The following ANKS1B variants were observed in gnomAD, a reference collection of about 807,000 sequenced individuals.
ANKS1B encodes ankyrin repeat and sterile alpha motif domain containing 1B.
A neutral mutation model predicts 148.3 loss-of-function variants in ANKS1B; 36 were observed. That is an observed-to-expected ratio of 0.24 (90% CI 0.19 to 0.32). ANKS1B has a LOEUF of 0.32. ANKS1B is among the 10% of genes least tolerant of loss of function. The pLI is 1.00. For missense variants in ANKS1B, 1,157 were observed against 1,542.6 expected (o/e 0.75, Z 4.19); for synonymous variants, 542 against 560.8 (o/e 0.97, Z 0.47).
At chr12:98,827,846 T>C (rs902815372) in intron 19 of ANKS1B, among the ~76,000 whole-genome samples, 1 of 152,126 alleles carries the variant, frequency 6.6e-6, no homozygotes, top group African/African-American at 2.4e-5. Flanking sequence ...AAAGACAACA[T>C]GGCTCAAAGT....
intron 9 of ANKS1B, among the ~76,000 whole-genome samples, chr12:99,558,791 A>C (rs369796331): frequency 6.6e-6 from 1 of 152,186 alleles, no homozygotes; most frequent in East Asian, 1.9e-4. Flanking sequence ...GTTGCCCAAA[A>C]GCTAAAGCCT....
At chr12:99,453,026 C>T (rs545211694) in intron 10 of ANKS1B, among the ~76,000 whole-genome samples, 5 of 152,294 alleles carry the variant, frequency 3.3e-5, no homozygotes, top group Admixed American at 6.5e-5. Flanking sequence ...CACAGTGGCT[C>T]ACGCCTGTAA....
intron 22 of ANKS1B, among the ~76,000 whole-genome samples, chr12:98,784,176 C>A (rs1012610858): frequency 6.6e-6 from 1 of 152,098 alleles, no homozygotes; most frequent in Non-Finnish European, 1.5e-5. Context: ...GTGGAGATAT[C>A]CAGTAGGAAA....
intron 17 of ANKS1B, among the ~76,000 whole-genome samples, chr12:98,920,586 G>A (rs1044281958): frequency 6.6e-6 from 1 of 152,132 alleles, no homozygotes; most frequent in Non-Finnish European, 1.5e-5. Flanking sequence ...TCACTATCAC[G>A]AGAACAGCAC....
chr12:99,685,094 G>T (rs1386561994), intron 8 of ANKS1B, among the ~76,000 whole-genome samples: 1 of 152,086 alleles, frequency 6.6e-6, no homozygotes, highest in African/African-American at 2.4e-5. Context: ...AAACTAAAAA[G>T]TTTCTGCACA....
intron 14 of ANKS1B, among the ~76,000 whole-genome samples, chr12:99,225,015 A>C: frequency 6.6e-6 from 1 of 152,172 alleles, no homozygotes; most frequent in East Asian, 1.9e-4. Context: ...AGGAAAAACA[A>C]CATTGATGTT....
intron 1 of ANKS1B, among the ~76,000 whole-genome samples, chr12:99,862,480 C>T (rs1215524926): frequency 6.6e-6 from 1 of 152,166 alleles, no homozygotes; most frequent in Non-Finnish European, 1.5e-5. Context: ...TAAAATACTT[C>T]TTATGTTTGT....
At chr12:99,329,254 ATTC>A (rs1157584035) in intron 12 of ANKS1B, among the ~76,000 whole-genome samples, 2 of 151,924 alleles carry the variant, frequency 1.3e-5, no homozygotes, top group Non-Finnish European at 1.5e-5. Context: ...TGTTGTCAGA[ATTC>A]TTCTTTCTTT....
At chr12:99,678,912 G>A (rs2098597727) in intron 8 of ANKS1B, among the ~76,000 whole-genome samples, 6 of 152,048 alleles carry the variant, frequency 3.9e-5, no homozygotes, top group Admixed American at 3.9e-4. Context: ...AAAAATAACA[G>A]AGGACACACA....
intron 10 of ANKS1B, among the ~76,000 whole-genome samples, chr12:99,444,947 C>A (rs2095612875): frequency 1.3e-5 from 2 of 151,886 alleles, no homozygotes; most frequent in South Asian, 4.1e-4. Context: ...AAAACTCTAC[C>A]TACCATATAA....
At chr12:99,072,472 C>A (rs1217740328) in intron 16 of ANKS1B, among the ~76,000 whole-genome samples, 1 of 151,970 alleles carries the variant, frequency 6.6e-6, no homozygotes, top group Non-Finnish European at 1.5e-5. Context: ...GTGACACAAG[C>A]AGTAGGTGGC....
At chr12:99,307,454 A>T (rs1422415853) in intron 12 of ANKS1B, among the ~76,000 whole-genome samples, 1 of 152,076 alleles carries the variant, frequency 6.6e-6, no homozygotes, top group Non-Finnish European at 1.5e-5. Flanking sequence ...CTTGAGTTCA[A>T]ACTATATATA....
At chr12:99,490,596 T>C (rs1021667704) in intron 10 of ANKS1B, among the ~76,000 whole-genome samples, 25 of 152,370 alleles carry the variant, frequency 1.6e-4, no homozygotes, top group African/African-American at 5.5e-4. Flanking sequence ...GAAAGGCCAA[T>C]TGAAGAACTA....
At chr12:99,231,772 T>A (rs1000295061) in intron 14 of ANKS1B, among the ~76,000 whole-genome samples, 1 of 152,016 alleles carries the variant, frequency 6.6e-6, no homozygotes, top group African/African-American at 2.4e-5. Flanking sequence ...TAAGCAAACA[T>A]GAGGGGCTTG....
intron 8 of ANKS1B, among the ~76,000 whole-genome samples, chr12:99,733,066 A>C (rs1469362432): frequency 6.6e-6 from 1 of 151,704 alleles, no homozygotes; most frequent in Non-Finnish European, 1.5e-5. Flanking sequence ...TAGCTAACAA[A>C]GCTATAATAA....
chr12:99,763,123 C>A (rs1270737358), intron 8 of ANKS1B, among the ~76,000 whole-genome samples: 1 of 152,070 alleles, frequency 6.6e-6, no homozygotes, highest in African/African-American at 2.4e-5. Flanking sequence ...ACCATTTGAC[C>A]CAGCAATCCC....
intron 12 of ANKS1B, among the ~76,000 whole-genome samples, chr12:99,289,895 C>T (rs1319545133): frequency 6.6e-6 from 1 of 151,468 alleles, no homozygotes; most frequent in Non-Finnish European, 1.5e-5. Flanking sequence ...AAAACAAACA[C>T]AAAATTACTA....
At chr12:99,067,892 G>GTA (rs938615165) in intron 16 of ANKS1B, among the ~76,000 whole-genome samples, 1 of 151,626 alleles carries the variant, frequency 6.6e-6, no homozygotes, top group Non-Finnish European at 1.5e-5. Flanking sequence ...GTGTGTGTGT[G>GTA]TGTGTATGTG....
chr12:98,961,875 T>A (rs1003792970), intron 17 of ANKS1B, among the ~76,000 whole-genome samples: 1 of 151,828 alleles, frequency 6.6e-6, no homozygotes, highest in African/African-American at 2.4e-5. Context: ...TTTTCAAACC[T>A]CATGGTAACT....
Sources: gnomAD v4.1 joint callset for allele counts (sites outside exome capture counted in the v4.1 genomes callset) on GRCh38, gnomAD v4.1.1 for gene constraint, MANE v1.5 for transcripts, NCBI Gene and HGNC (gene_info 2026-07-23, HGNC 2026-07-21) for gene names.